BMPR2: variants seen among roughly 807,000 people sequenced by gnomAD.
BMPR2 encodes the protein bone morphogenetic protein receptor type 2.
In BMPR2, 29 loss-of-function variants were observed where a neutral mutation model predicts 100.8. The observed-to-expected ratio is 0.29, with a 90% CI of 0.21 to 0.39. The LOEUF is 0.39. Ranked by LOEUF, BMPR2 falls within the 10% of genes least tolerant of loss-of-function variation. BMPR2 has a pLI of 1.00. For synonymous variants in BMPR2, 382 were observed against 442.3 expected (o/e 0.86, Z 1.71); for missense variants, 1,011 against 1,274.5 (o/e 0.79, Z 3.15).
chr2:202,555,666 G>A lies in BMPR2; in HGVS notation c.2001G>A (p.Lys667=). Residue 667 remains lysine, a synonymous_variant, in exon 12 of 13, where the codon AAG becomes AAA. Coordinates refer to ENST00000374580, the MANE Select transcript of BMPR2 (RefSeq NM_001204.7). The stretch of plus-strand genomic sequence containing the variant: ...CAGAAGAAGACTTGGAAACCAACAA[G>A]CTAGACCCAAAAGAAGTTGATAAGA... ...QLTEEDLETN[K]LDPKEVDKNL... 6.2e-7 allele frequency: 1 copy of A among 1,614,032 alleles called. No individual in the cohort carries two copies.
chr2:202,500,127 C>T (rs955053879), intron 3 of BMPR2, among the ~76,000 whole-genome samples: 2 of 152,160 alleles, frequency 1.3e-5, no homozygotes, highest in Non-Finnish European at 2.9e-5. Context: ...CATGTCATCA[C>T]CCTCACTGAG....
intron 1 of BMPR2, among the ~76,000 whole-genome samples, chr2:202,390,713 T>C (rs1248643385): frequency 6.6e-6 from 1 of 152,158 alleles, no homozygotes; most frequent in African/African-American, 2.4e-5. Context: ...AAATAAATGA[T>C]ATCTTGTTGG....
intron 9 of BMPR2, among the ~76,000 whole-genome samples, chr2:202,540,350 G>C (rs1688248330): frequency 6.6e-6 from 1 of 152,028 alleles, no homozygotes; most frequent in Non-Finnish European, 1.5e-5. Flanking sequence ...TATAGGATAA[G>C]GTTTTATCAC....
chr2:202,559,825 A>C lies in BMPR2; in HGVS notation c.2996A>C (p.Glu999Ala). The C allele has an allele frequency of 1.2e-6, 2 of 1,614,162 alleles. No individual in the cohort carries two copies. Among genetic ancestry groups the C allele is most frequent in the Non-Finnish European group, 1.7e-6 (2 of 1,180,030 alleles). Residue 999 changes from glutamate to alanine, a missense_variant, in exon 13 of 13, where the codon GAA becomes GCA. This residue lies in a region of BMPR2 where 58 missense variants were observed against 72.3 expected (regional missense o/e 0.80). Transcript: ENST00000374580. Reference protein sequence around the residue: ...WVISTESLDCEVNNNGSNRAV... With the variant: ...WVISTESLDCAVNNNGSNRAV... ...ATCTCCACTGAATCGCTGGACTGTG[A>C]AGTCAACAATAATGGCAGTAACAGG...
chr2:202,467,290 T>A (rs1422601381), intron 2 of BMPR2, among the ~76,000 whole-genome samples: 1 of 152,168 alleles, frequency 6.6e-6, no homozygotes, highest in African/African-American at 2.4e-5. Flanking sequence ...ATTCTTAGAT[T>A]AATCATGCAG....
At chr2:202,535,065 C>T (rs1231326375) in intron 9 of BMPR2, among the ~76,000 whole-genome samples, 1 of 136,620 alleles carries the variant, frequency 7.3e-6, no homozygotes, top group Admixed American at 7.1e-5. Flanking sequence ...CCGGACAGGT[C>T]GGCTGGCCTG....
chr2:202,470,733 C>T (rs535102157), intron 3 of BMPR2, among the ~76,000 whole-genome samples: 8 of 148,004 alleles, frequency 5.4e-5, no homozygotes, highest in Non-Finnish European at 5.9e-5. Flanking sequence ...CACTGCAGTC[C>T]GCAGTCCGGC....
At chr2:202,432,672 TTTA>T (rs1452139170) in intron 1 of BMPR2, among the ~76,000 whole-genome samples, 2 of 150,628 alleles carry the variant, frequency 1.3e-5, no homozygotes, top group African/African-American at 5.0e-5. Context: ...ATTTTGTGAT[TTTA>T]TTATTTTATT....
chr2:202,542,895 G>T (rs1688302756), intron 10 of BMPR2, among the ~76,000 whole-genome samples: 1 of 151,928 alleles, frequency 6.6e-6, no homozygotes, highest in Non-Finnish European at 1.5e-5. Flanking sequence ...AATATAATTC[G>T]GCTGGGTGCG....
intron 4 of BMPR2, among the ~76,000 whole-genome samples, chr2:202,514,092 A>G (rs184300547): frequency 1.6e-4 from 25 of 152,082 alleles, no homozygotes; most frequent in Admixed American, 1.4e-3. Flanking sequence ...ATATCTATAA[A>G]TATTATCTCT....
chr2:202,401,906 A>C (rs2105910797), intron 1 of BMPR2, among the ~76,000 whole-genome samples: 1 of 152,358 alleles, frequency 6.6e-6, no homozygotes, highest in East Asian at 1.9e-4. Flanking sequence ...TGGAAATCAC[A>C]GTGATTGCTT....
At chr2:202,557,477 AC>A (rs1688598373) in intron 12 of BMPR2, among the ~76,000 whole-genome samples, 1 of 134,140 alleles carries the variant, frequency 7.5e-6, no homozygotes, top group Non-Finnish European at 1.6e-5. Context: ...ACACACACAC[AC>A]ACACACACAC....
At chr2:202,530,025 C>G (rs975415351) in intron 7 of BMPR2, among the ~76,000 whole-genome samples, 1 of 151,934 alleles carries the variant, frequency 6.6e-6, no homozygotes, top group Non-Finnish European at 1.5e-5. Context: ...TGGTGAGAGG[C>G]TTAGGTTAGA....
chr2:202,520,469 G>T, intron 7 of BMPR2: 1 of 494,726 alleles, frequency 2.0e-6, no homozygotes, highest in South Asian at 2.2e-5. Context: ...TGACCCAGCA[G>T]AGAAAGTAGT....
chr2:202,439,431 A>G (rs1442341455), intron 1 of BMPR2, among the ~76,000 whole-genome samples: 1 of 146,604 alleles, frequency 6.8e-6, no homozygotes, highest in Non-Finnish European at 1.5e-5. Context: ...TTATATGCAA[A>G]TCCTAAGGAA....
chr2:202,530,075 T>A (rs1294905867), intron 7 of BMPR2, among the ~76,000 whole-genome samples: 1 of 152,198 alleles, frequency 6.6e-6, no homozygotes, highest in African/African-American at 2.4e-5. Flanking sequence ...GTGTGTCTAC[T>A]CTGTGCCAAG....
intron 1 of BMPR2, among the ~76,000 whole-genome samples, chr2:202,456,060 T>C (rs1692092184): frequency 3.8e-5 from 2 of 52,630 alleles, no homozygotes; most frequent in South Asian, 9.6e-4. Flanking sequence ...GTGAGACCCG[T>C]CTCAAAAAAA....
Position 202,555,232 on chromosome 2 carries a change from AC to A in BMPR2, c.1587-19del, listed in dbSNP as rs1456895969. On this transcript the variant is annotated intron_variant, in intron 11 of 12. Transcript: ENST00000374580. ...CATAAATGTACGTTCTCAATGTGAT[AC>A]TTTTTTTCTTTCTTTAAGCAACCTG... The A allele has an allele frequency of 6.2e-7, 1 of 1,601,274 alleles. No homozygotes were observed. Among genetic ancestry groups the A allele is most frequent in the East Asian group, 2.2e-5 (1 of 44,836 alleles).
At chr2:202,416,847 T>C (rs1212272732) in intron 1 of BMPR2, among the ~76,000 whole-genome samples, 2 of 151,730 alleles carry the variant, frequency 1.3e-5, no homozygotes, top group Non-Finnish European at 2.9e-5. Flanking sequence ...TTTTCTTTTT[T>C]TTTTTTTGAG....
Sources: gnomAD v4.1 joint callset for allele counts (sites outside exome capture counted in the v4.1 genomes callset) on GRCh38, gnomAD v4.1.1 for gene constraint, gnomAD v4.1.1 regional missense constraint, MANE v1.5 for transcripts, NCBI Gene and HGNC (gene_info 2026-07-23, HGNC 2026-07-21) for gene names.